The following AGGF1 variants were observed in gnomAD, a reference collection of about 807,000 sequenced individuals.
The protein encoded by AGGF1 is angiogenic factor with G patch and FHA domains 1.
In AGGF1, 56 loss-of-function variants were observed where a neutral mutation model predicts 86.5. The observed-to-expected ratio is 0.65, with a 90% CI of 0.52 to 0.81. The LOEUF (loss-of-function observed/expected upper bound fraction) is 0.81. Among genes scored for constraint, AGGF1 ranks in the 30% least tolerant of loss-of-function variants. The pLI, the probability that AGGF1 is intolerant of heterozygous loss-of-function variation, is 0.00. For synonymous variants in AGGF1, 313 were observed against 297.1 expected, an observed-to-expected ratio of 1.05 and a Z score of -0.55; for missense variants, 816 against 850.9, an observed-to-expected ratio of 0.96 and a Z score of 0.51.
intron 5 of AGGF1, among the ~76,000 whole-genome samples, chr5:77,042,832 C>T (rs1466237265): frequency 3.1e-5 from 2 of 63,512 alleles, no homozygotes; most frequent in African/African-American, 8.9e-5. Flanking sequence ...ACCTCCCTCC[C>T]GGGCGGGGCG....
In AGGF1 at chr5:77,039,419, AATACT is replaced by A; in HGVS notation, c.682-108_682-104del. ...TATCTTTAATTCATTGTCTTCTGAA[AATACT>A]ATAGTTGTTCAAAGAAATATTTACC... On this transcript the variant is annotated intron_variant, in intron 4 of 13. Coordinates refer to ENST00000312916, the MANE Select transcript of AGGF1 (RefSeq NM_018046.5). The A allele has an allele frequency of 1.3e-5, 11 of 823,140 alleles. No homozygotes were observed. The South Asian group carries it at 2.1e-4, about 16-fold the overall frequency. 51.0% of individuals were successfully genotyped at this position (823,140 alleles called of 1,614,324 possible).
In AGGF1 at chr5:77,030,884, A is replaced by G. The variant is rs1251481795; in HGVS notation, c.118A>G (p.Lys40Glu). The G allele has an allele frequency of 1.9e-6, 3 of 1,613,376 alleles. No homozygotes were observed. The highest frequency in any genetic ancestry group is 2.5e-6 in the Non-Finnish European group (3 of 1,179,998). Residue 40 changes from lysine to glutamate, a missense_variant, in exon 1 of 14, where the codon AAG becomes GAG. Lys to Glu is a moderately conservative substitution (Grantham distance 56). Coordinates refer to ENST00000312916, the MANE Select transcript of AGGF1 (RefSeq NM_018046.5). ...EKLERELRSC[K>E]RQVREIEKLL... is the part of the protein sequence containing the mutation. Reference sequence around the variant, plus strand: ...GTTGGAACGTGAACTGCGGAGCTGCAAGCGGCAGGTGCGGGAGATCGAGAA... The same window carrying G: ...GTTGGAACGTGAACTGCGGAGCTGCGAGCGGCAGGTGCGGGAGATCGAGAA...
rs753113687 is a variant in AGGF1 at position 77,030,795 on chromosome 5, G to A, written c.29G>A (p.Arg10Gln). Residue 10 changes from arginine to glutamine, a missense_variant, in exon 1 of 14, where the codon CGG becomes CAG. Coordinates refer to ENST00000312916, the MANE Select transcript of AGGF1 (RefSeq NM_018046.5). MASEAPSPP[R>Q]SPPPPTSPEP... Reference sequence around the variant, plus strand: ...GCCTCGGAGGCGCCGTCCCCGCCGCGGTCGCCGCCGCCGCCCACCTCCCCC... The same window carrying A: ...GCCTCGGAGGCGCCGTCCCCGCCGCAGTCGCCGCCGCCGCCCACCTCCCCC... 1.9e-6 allele frequency: 3 copies of A among 1,593,442 alleles called. No homozygotes were observed. The highest frequency in any genetic ancestry group is 1.1e-5 in the South Asian group (1 of 89,944).
At position 77,035,602 on chromosome 5, in the gene AGGF1, A is replaced by T. The variant is rs776875580; in HGVS notation, c.375A>T (p.Ser125=). Residue 125 remains serine, a synonymous_variant, in exon 3 of 14, where the codon TCA becomes TCT. Coordinates refer to ENST00000312916, the MANE Select transcript of AGGF1 (RefSeq NM_018046.5). ...VSLPNKVTEL[S]DQQDQAIETS... ...TTCCAAATAAAGTGACTGAACTGTC[A>T]GATCAACAAGATCAAGCTATCGAAA... 2 of 1,613,576 alleles carry T rather than the reference A, an allele frequency of 1.2e-6. No individual in the cohort carries two copies. Among genetic ancestry groups the T allele is most frequent in the East Asian group, 4.5e-5 (2 of 44,776 alleles).
At chr5:77,043,666 C>T (rs1167174096) in intron 5 of AGGF1, among the ~76,000 whole-genome samples, 96 of 140,552 alleles carry the variant, frequency 6.8e-4, no homozygotes, top group Admixed American at 8.3e-4. Context: ...GGCGGCTGGC[C>T]GGGCGGGGGG....
chr5:77,039,730 TAC>T lies in AGGF1; in HGVS notation c.870+13_870+14del. The T allele has an allele frequency of 6.2e-7, 1 of 1,605,030 alleles. No individual in the cohort carries two copies. Among genetic ancestry groups the T allele is most frequent in the Non-Finnish European group, 8.5e-7 (1 of 1,175,050 alleles). On this transcript the variant is annotated intron_variant, in intron 5 of 13. Transcript: ENST00000312916. ...ACAAATGAGGAAAAGGTAATGTCTT[TAC>T]AATTTTAAAAATTGACATAATGGTG... is the stretch of plus-strand genomic sequence containing the variant.
intron 2 of AGGF1, 29 bp from the exon 3 acceptor site, chr5:77,035,512 T>TA (rs1278789865): frequency 6.5e-7 from 1 of 1,537,452 alleles, no homozygotes; most frequent in Non-Finnish European, 9.0e-7. Context: ...TCTAATATGA[T>TA]ACGATTTCAC....
At chr5:77,032,064 G>A (rs1746864176) in intron 1 of AGGF1, among the ~76,000 whole-genome samples, 1 of 151,978 alleles carries the variant, frequency 6.6e-6, no homozygotes, top group Admixed American at 6.5e-5. Flanking sequence ...TATATAGGCT[G>A]AACACTGAAA....
intron 5 of AGGF1, among the ~76,000 whole-genome samples, chr5:77,041,793 A>C (rs369589073): frequency 8.1e-6 from 1 of 123,438 alleles, no homozygotes. Context: ...TTTTTTATTT[A>C]TTTATTTATT....
Position 77,043,380 on chromosome 5 carries a change from C to CGGACGGGGCGGCT in AGGF1, c.871-2964_871-2952dup, listed in dbSNP as rs1305276558. On this transcript the variant is annotated intron_variant, in intron 5 of 13. Coordinates refer to ENST00000312916, the MANE Select transcript of AGGF1 (RefSeq NM_018046.5). ...GGGTCTGACCCCCCCACCTCCCTCC[C>CGGACGGGGCGGCT]GGACGGGGCGGCTGGCCGGGCAGAG... Among the ~76,000 whole-genome samples the CGGACGGGGCGGCT allele has an allele frequency of 8.7e-3, 391 of 44,794 alleles. 19 individuals are homozygous for CGGACGGGGCGGCT. The highest frequency in any genetic ancestry group is 0.026 in the Middle Eastern group (1 of 38). The allele number at this position is 44,794 out of a possible 152,430, so 29.4% of individuals were successfully genotyped here.
intron 5 of AGGF1, among the ~76,000 whole-genome samples, chr5:77,043,499 C>T (rs1747173812): frequency 7.1e-6 from 1 of 140,286 alleles, no homozygotes; most frequent in African/African-American, 2.6e-5. Flanking sequence ...ACCCCCCCAC[C>T]TCCCTCCCGG....
rs1364189649 is a variant in AGGF1, at chr5:77,039,750, T to A, written c.870+31T>A. The A allele has an allele frequency of 3.8e-6, 6 of 1,585,016 alleles. No homozygotes were observed. The Admixed American group carries it at 5.1e-5, about 13-fold the overall frequency. ...GTCTTTACAATTTTAAAAATTGACA[T>A]AATGGTGATAACATGATAATTAAGA... On this transcript the variant is annotated intron_variant, in intron 5 of 13. Transcript: ENST00000312916.
Position 77,052,749 on chromosome 5 carries a change from T to TC in AGGF1, c.1411dup (p.Leu471ProfsTer13). On this transcript the variant is annotated frameshift_variant, in exon 9 of 14. Coordinates refer to ENST00000312916, the MANE Select transcript of AGGF1 (RefSeq NM_018046.5). LOFTEE classifies it high-confidence loss of function. ...TTTGACCATGACTTACAAAGTTATGTCCTTGTGGATCAAGGCAGTCAAAAT... is the reference window on the plus strand; with the variant it reads ...TTTGACCATGACTTACAAAGTTATGTCCCTTGTGGATCAAGGCAGTCAAAAT... 6 of 1,613,856 alleles carry TC rather than the reference T, an allele frequency of 3.7e-6. No homozygotes were observed. Among genetic ancestry groups the TC allele is most frequent in the Non-Finnish European group, 5.1e-6 (6 of 1,179,842 alleles).
intron 11 of AGGF1, among the ~76,000 whole-genome samples, chr5:77,056,578 CAA>C (rs1206455966): frequency 8.7e-5 from 11 of 126,500 alleles, no homozygotes; most frequent in Non-Finnish European, 1.4e-4. Flanking sequence ...ATGGCCTTAC[CAA>C]AAAAAAAAAC....
chr5:77,031,787 G>A (rs953665920), intron 1 of AGGF1, among the ~76,000 whole-genome samples: 38 of 152,152 alleles, frequency 2.5e-4, no homozygotes, highest in African/African-American at 8.9e-4. Context: ...ACCTGGAATC[G>A]CAGCTAGTCG....
chr5:77,036,460 G>T (rs187424542), intron 3 of AGGF1, 96 bp from the exon 4 acceptor site: 2 of 1,247,996 alleles, frequency 1.6e-6, no homozygotes, highest in African/African-American at 3.0e-5. Context: ...AATTGAAGTC[G>T]TTACTTAAAC....
chr5:77,051,114 G>A (rs547582233), intron 8 of AGGF1, among the ~76,000 whole-genome samples: 28 of 151,152 alleles, frequency 1.9e-4, no homozygotes, highest in African/African-American at 6.1e-4. Context: ...TTACAGAAGA[G>A]GAAACCCAAA....
chr5:77,038,307 G>T (rs545377260), intron 4 of AGGF1, among the ~76,000 whole-genome samples: 1 of 152,108 alleles, frequency 6.6e-6, no homozygotes, highest in Non-Finnish European at 1.5e-5. Context: ...GTTTCAAGTA[G>T]ACATTAGTCT....
At chr5:77,031,884 A>G (rs977219608) in intron 1 of AGGF1, among the ~76,000 whole-genome samples, 2 of 152,174 alleles carry the variant, frequency 1.3e-5, no homozygotes, top group Non-Finnish European at 2.9e-5. Flanking sequence ...AGCCAGGGCG[A>G]CAGAGTGCAA....
Sources: allele counts gnomAD v4.1 joint callset (sites outside exome capture counted in the v4.1 genomes callset), GRCh38; gene constraint gnomAD v4.1.1; transcripts MANE v1.5; gene names NCBI Gene and HGNC (gene_info 2026-07-23, HGNC 2026-07-21).